C1orf141: variants seen among roughly 807,000 people sequenced by gnomAD.
C1orf141 encodes chromosome 1 open reading frame 141, also known as uncharacterized protein C1orf141.
A neutral mutation model predicts 23.2 loss-of-function variants in C1orf141; 19 were observed. That is an observed-to-expected ratio of 0.82 (90% CI 0.57 to 1.20). C1orf141 has a LOEUF of 1.20. C1orf141 is among the 50% of genes most tolerant of loss of function. C1orf141 has a pLI of 0.00. For missense variants in C1orf141, 469 were observed against 455.1 expected (o/e 1.03, Z -0.28); for synonymous variants, 153 against 154.6 (o/e 0.99, Z 0.08).
intron 5 of C1orf141, among the ~76,000 whole-genome samples, chr1:67,114,973 C>T (rs549063204): frequency 6.6e-6 from 1 of 152,142 alleles, no homozygotes; most frequent in Non-Finnish European, 1.5e-5. Flanking sequence ...AGCGTGCCCA[C>T]CCAGCCAGAT....
intron 5 of C1orf141, among the ~76,000 whole-genome samples, chr1:67,098,245 G>A (rs1246158630): frequency 6.6e-6 from 1 of 152,170 alleles, no homozygotes; most frequent in African/African-American, 2.4e-5. Flanking sequence ...ATATTGCCAG[G>A]TGCAGTGGCT....
intron 6 of C1orf141, 52 bp downstream of exon 6, chr1:67,096,200 C>T: frequency 1.2e-6 from 1 of 867,996 alleles, no homozygotes; most frequent in Non-Finnish European, 1.8e-6. Context: ...ATGTGTCCTA[C>T]TAGAAACATC....
At chr1:67,103,170 T>G in intron 5 of C1orf141, 1 of 807,394 alleles carries the variant, frequency 1.2e-6, no homozygotes. Flanking sequence ...ATTTTCTTAA[T>G]GCTTACACAC....
chr1:67,093,926 G>A (rs28721308), intron 7 of C1orf141: 15,749 of 160,094 alleles, frequency 0.098, 1,242 homozygotes, highest in African/African-American at 0.22. Flanking sequence ...GAAATAAGGT[G>A]GTTGTTCTGG....
At chr1:67,106,852 T>G (rs1645939273) in intron 5 of C1orf141, among the ~76,000 whole-genome samples, 1 of 152,164 alleles carries the variant, frequency 6.6e-6, no homozygotes, top group Non-Finnish European at 1.5e-5. Flanking sequence ...AGTGAAAATA[T>G]CTGAGGGGAG....
At chr1:67,113,730 C>G in intron 5 of C1orf141, 1 of 1,270,182 alleles carries the variant, frequency 7.9e-7, no homozygotes, top group Non-Finnish European at 1.0e-6. Context: ...AGGCTTTAAT[C>G]AGGATCAGCC....
intron 5 of C1orf141, among the ~76,000 whole-genome samples, chr1:67,105,185 G>A (rs1645894052): frequency 6.6e-6 from 1 of 151,926 alleles, no homozygotes; most frequent in Non-Finnish European, 1.5e-5. Context: ...AATAAGCCGG[G>A]TGTGGTGGTG....
chr1:67,105,896 A>G (rs891742049), intron 5 of C1orf141, among the ~76,000 whole-genome samples: 10 of 152,192 alleles, frequency 6.6e-5, no homozygotes, highest in African/African-American at 2.4e-4. Flanking sequence ...CAAAGTTAGG[A>G]CAAACAGAGC....
chr1:67,105,257 C>T (rs1395726077), intron 5 of C1orf141, among the ~76,000 whole-genome samples: 3 of 142,168 alleles, frequency 2.1e-5, no homozygotes, highest in Non-Finnish European at 3.0e-5. Flanking sequence ...ATCTGGGAGG[C>T]AGAGGTTGCA....
intron 5 of C1orf141, among the ~76,000 whole-genome samples, chr1:67,101,200 C>T (rs558098063): frequency 6.6e-6 from 1 of 152,214 alleles, no homozygotes; most frequent in African/African-American, 2.4e-5. Flanking sequence ...ATCAACCCTC[C>T]TTTCAAGTCC....
At chr1:67,132,244 G>T (rs1374537989) in intron 1 of C1orf141, among the ~76,000 whole-genome samples, 6 of 152,238 alleles carry the variant, frequency 3.9e-5, no homozygotes, top group African/African-American at 1.4e-4. Context: ...TACTCGCTGG[G>T]CGTGGTGGCT....
At chr1:67,123,133 A>T (rs919348297) in intron 4 of C1orf141, 2 of 151,542 alleles carry the variant, frequency 1.3e-5, no homozygotes, top group African/African-American at 4.9e-5. Flanking sequence ...AACCCGGGAG[A>T]GGGAGGTTGC....
chr1:67,114,364 C>T (rs1481237419), intron 5 of C1orf141, among the ~76,000 whole-genome samples: 2 of 151,626 alleles, frequency 1.3e-5, no homozygotes, highest in Non-Finnish European at 2.9e-5. Context: ...AATAATTTTC[C>T]AAATACCGTC....
At chr1:67,101,076 A>G (rs917640659) in intron 5 of C1orf141, among the ~76,000 whole-genome samples, 2 of 152,090 alleles carry the variant, frequency 1.3e-5, no homozygotes, top group African/African-American at 2.4e-5. Flanking sequence ...TTAGTCAAGT[A>G]AGGGCCTCAT....
chr1:67,096,062 C>A (rs1645673652), intron 6 of C1orf141, 190 bp downstream of exon 6: 3 of 378,494 alleles, frequency 7.9e-6, no homozygotes, highest in Non-Finnish European at 1.5e-5. Context: ...CCATGCCTTT[C>A]TCTCCATTTA....
intron 1 of C1orf141, among the ~76,000 whole-genome samples, 199 bp from the exon 2 acceptor site, chr1:67,131,426 A>C (rs1333455869): frequency 1.3e-5 from 2 of 152,010 alleles, no homozygotes; most frequent in Non-Finnish European, 1.5e-5. Context: ...AAAACCAAAA[A>C]CAAACAAACG....
At chr1:67,122,537 G>A (rs1424873541) in intron 4 of C1orf141, 1 of 152,068 alleles carries the variant, frequency 6.6e-6, no homozygotes, top group Non-Finnish European at 1.5e-5. Context: ...ATAGTTCTTT[G>A]AAACTACAAA....
chr1:67,129,432 C>T (rs1646479038), intron 2 of C1orf141, among the ~76,000 whole-genome samples: 1 of 152,002 alleles, frequency 6.6e-6, no homozygotes, highest in South Asian at 2.1e-4. Flanking sequence ...GCTTCTGCAC[C>T]CCGGCTTGGG....
At chr1:67,096,343 A>G (rs765385245) in intron 5 of C1orf141, 22 bp from the exon 6 acceptor site, 2 of 1,211,792 alleles carry the variant, frequency 1.7e-6, no homozygotes, top group Non-Finnish European at 2.4e-6. Context: ...AAAGATTTTC[A>G]TAAAAGACAC....
Sources: gnomAD v4.1 joint callset for allele counts (sites outside exome capture counted in the v4.1 genomes callset) on GRCh38, gnomAD v4.1.1 for gene constraint, MANE v1.5 for transcripts, NCBI Gene and HGNC (gene_info 2026-07-23, HGNC 2026-07-21) for gene names.